The following CNOT11 variants were observed in gnomAD, a reference collection of about 807,000 sequenced individuals.
CNOT11 encodes the protein CCR4-NOT transcription complex subunit 11.
Under a neutral mutation model 44.6 loss-of-function variants are expected in CNOT11, and 18 were observed. The observed-to-expected ratio is 0.40, with a 90% confidence interval of 0.28 to 0.60. The LOEUF is 0.60. CNOT11 is among the 20% of genes least tolerant of loss of function. The probability of loss-of-function intolerance (pLI) is 0.38; values close to 1 mark genes in which losing one functional copy is unlikely to be tolerated. For missense variants in CNOT11, 513 were observed against 677.0 expected (o/e 0.76, Z 2.69); for synonymous variants, 291 against 270.9 (o/e 1.07, Z -0.73).
chr2:101,264,588 G>T (rs997094912), intron 3 of CNOT11, among the ~76,000 whole-genome samples: 2 of 152,180 alleles, frequency 1.3e-5, no homozygotes, highest in African/African-American at 4.8e-5. Context: ...TCACGGCCAG[G>T]CTTTCCTCAC....
At chr2:101,257,299 A>C (rs1353392127) in intron 1 of CNOT11, among the ~76,000 whole-genome samples, 1 of 151,590 alleles carries the variant, frequency 6.6e-6, no homozygotes, top group African/African-American at 2.4e-5. Flanking sequence ...AGGCTGAGGC[A>C]GGAGAATCTC....
chr2:101,266,285 T>A (rs1317156458), intron 4 of CNOT11, among the ~76,000 whole-genome samples: 1 of 152,032 alleles, frequency 6.6e-6, no homozygotes, highest in African/African-American at 2.4e-5. Flanking sequence ...GACTGTTTCT[T>A]GGGAGAACTA....
chr2:101,252,901 G>A lies in CNOT11; in HGVS notation c.-64G>A, dbSNP rs1681650907. The A allele has an allele frequency of 2.9e-6, 4 of 1,359,326 alleles. No homozygotes were observed. The highest frequency in any genetic ancestry group is 3.8e-6 in the Non-Finnish European group (4 of 1,059,784). The allele number at this position is 1,359,326 out of a possible 1,614,324, so 84.2% of individuals were successfully genotyped here. ...GTGTAACAGCGCGCTTTACGGCCGC[G>A]GGGACGGAGCGAGCCGGCGCCAGGG... On this transcript the variant is annotated 5_prime_UTR_variant, in exon 1 of 7. Coordinates refer to ENST00000289382, the MANE Select transcript of CNOT11 (RefSeq NM_017546.5).
intron 5 of CNOT11, 99 bp downstream of exon 5, chr2:101,266,978 T>A: frequency 2.5e-6 from 2 of 796,724 alleles, no homozygotes; most frequent in Non-Finnish European, 2.1e-6. Flanking sequence ...ATTATTGGCG[T>A]AAGATTAACT....
At chr2:101,260,455 G>A (rs1187071375) in intron 2 of CNOT11, among the ~76,000 whole-genome samples, 1 of 152,140 alleles carries the variant, frequency 6.6e-6, no homozygotes, top group Non-Finnish European at 1.5e-5. Flanking sequence ...GCCTGGCCGA[G>A]TGGCTAAGCT....
intron 1 of CNOT11, among the ~76,000 whole-genome samples, chr2:101,255,383 T>G: frequency 6.6e-6 from 1 of 151,992 alleles, no homozygotes. Flanking sequence ...TAGTCCCAGC[T>G]ACTTGGGAGG....
At position 101,264,991 on chromosome 2, in the gene CNOT11, A is replaced by G; in HGVS notation, c.979A>G (p.Lys327Glu). The G allele has an allele frequency of 6.2e-7, 1 of 1,614,198 alleles. No individual in the cohort carries two copies. The highest frequency in any genetic ancestry group is 8.5e-7 in the Non-Finnish European group (1 of 1,180,014). The change falls in exon 4 of 7, where the codon AAA becomes GAA. Residue 327 changes from lysine to glutamate, a missense_variant. Transcript: ENST00000289382. ...CVKNSTGVEI[K>E]RIMAKAFKSP... Reference sequence around the variant, plus strand: ...TAAGAATAGCACTGGTGTGGAGATCAAACGAATAATGGCCAAAGCCTTCAA... The same window carrying G: ...TAAGAATAGCACTGGTGTGGAGATCGAACGAATAATGGCCAAAGCCTTCAA...
Position 101,269,753 on chromosome 2 carries a change from G to T in CNOT11, c.*340G>T. On this transcript the variant is annotated 3_prime_UTR_variant, in exon 7 of 7. Transcript: ENST00000289382. The surrounding 1 kb of genome is among the most constrained non-coding windows in gnomAD (Gnocchi z 4.8). ...TTAATACAGGCTTCTGATGAACCAG[G>T]AATCCTGTTTTCGTAAAGTTCCAAT... is the stretch of plus-strand genomic sequence containing the variant. 1 of 186,252 alleles carries T rather than the reference G, an allele frequency of 5.4e-6. No homozygotes were observed. Among genetic ancestry groups the T allele is most frequent in the East Asian group, 1.4e-4 (1 of 7,042 alleles). The allele number at this position is 186,252 out of a possible 1,614,324, so 11.5% of individuals were successfully genotyped here. A position where few individuals can be genotyped will look rare whatever the true frequency, so the allele number is the denominator to read the frequency against.
chr2:101,255,275 C>T (rs1681712805), intron 1 of CNOT11, among the ~76,000 whole-genome samples: 1 of 151,308 alleles, frequency 6.6e-6, no homozygotes, highest in Non-Finnish European at 1.5e-5. Context: ...GCGGGCGGAT[C>T]ACAAGGTCAG....
rs1682073028 is a variant in CNOT11 at position 101,269,935 on chromosome 2, A to T, written c.*522A>T. 1 of 152,390 alleles carries T rather than the reference A, an allele frequency of 6.6e-6. No individual in the cohort carries two copies. The highest frequency in any genetic ancestry group is 1.5e-5 in the Non-Finnish European group (1 of 68,160). 9.4% of individuals were successfully genotyped at this position (152,390 alleles called of 1,614,324 possible). On this transcript the variant is annotated 3_prime_UTR_variant, in exon 7 of 7. Coordinates refer to ENST00000289382, the MANE Select transcript of CNOT11 (RefSeq NM_017546.5). This position sits in a 1 kb window ranked among gnomAD's most constrained non-coding sequence, Gnocchi z 4.8. ...TGAGGCACACAGCTCTTAACTCCTG[A>T]TGAACCAAGGATTTACTCATAACTT...
In CNOT11 at chr2:101,270,297, G is replaced by C. The variant is rs1682083645; in HGVS notation, c.*884G>C. 1 of 152,404 alleles carries C rather than the reference G, an allele frequency of 6.6e-6. No individual in the cohort carries two copies. Among genetic ancestry groups the C allele is most frequent in the Non-Finnish European group, 1.5e-5 (1 of 67,988 alleles). 9.4% of individuals were successfully genotyped at this position (152,404 alleles called of 1,614,324 possible). A position where few individuals can be genotyped will look rare whatever the true frequency, so the allele number is the denominator to read the frequency against. On this transcript the variant is annotated 3_prime_UTR_variant, in exon 7 of 7. Coordinates refer to ENST00000289382, the MANE Select transcript of CNOT11 (RefSeq NM_017546.5). The stretch of plus-strand genomic sequence containing the variant: ...TTGGACAACAGTGCCTTCCATTAAA[G>C]TTCTTTTTATCAACTGTTATCTGAT...
chr2:101,262,636 A>G lies in CNOT11; in HGVS notation c.777A>G (p.Ser259=), dbSNP rs985701323. 6.2e-7 allele frequency: 1 copy of G among 1,614,092 alleles called. No individual in the cohort carries two copies. Among genetic ancestry groups the G allele is most frequent in the Non-Finnish European group, 8.5e-7 (1 of 1,180,022 alleles). The change falls in exon 3 of 7, where the codon TCA becomes TCG. Residue 259 remains serine (S), a synonymous_variant. Transcript: ENST00000289382. The part of the protein sequence containing the change: ...PDSSNSGFDS[S]VASQITEALV... The stretch of plus-strand genomic sequence containing the variant: ...CTTCTAATTCTGGATTTGACAGCTC[A>G]GTTGCCTCTCAGATCACAGAAGCTT...
At chr2:101,268,680 G>A (rs1190513856) in intron 5 of CNOT11, among the ~76,000 whole-genome samples, 1 of 152,074 alleles carries the variant, frequency 6.6e-6, no homozygotes, top group African/African-American at 2.4e-5. Flanking sequence ...CACCCCACTC[G>A]TTTTTCTCAT....
At chr2:101,263,850 T>A (rs1368206876) in intron 3 of CNOT11, among the ~76,000 whole-genome samples, 1 of 152,228 alleles carries the variant, frequency 6.6e-6, no homozygotes, top group African/African-American at 2.4e-5. Flanking sequence ...AGATCACTCA[T>A]AATAAGTGGG....
In CNOT11 at chr2:101,264,867, T is replaced by A. The variant is rs1454021867; in HGVS notation, c.855T>A (p.Ile285=). 6.2e-7 allele frequency: 1 copy of A among 1,614,032 alleles called. No homozygotes were observed. The highest frequency in any genetic ancestry group is 2.2e-5 in the East Asian group (1 of 44,886). The change falls in exon 4 of 7, where the codon ATT becomes ATA. Residue 285 remains isoleucine (I), a synonymous_variant. Transcript: ENST00000289382. ...CAGGCCATTTTCGACCAGAGTTTATTCGTCCACCGCCTCCACTCCACATTT... is the reference window on the plus strand; with the variant it reads ...CAGGCCATTTTCGACCAGAGTTTATACGTCCACCGCCTCCACTCCACATTT... ...PIESHFRPEF[I]RPPPPLHICE...
At chr2:101,256,078 G>A (rs1681730082) in intron 1 of CNOT11, among the ~76,000 whole-genome samples, 1 of 151,796 alleles carries the variant, frequency 6.6e-6, no homozygotes, top group African/African-American at 2.4e-5. Context: ...GGCGGAGGCT[G>A]TAGTGAGCTG....
intron 5 of CNOT11, among the ~76,000 whole-genome samples, chr2:101,268,025 A>G (rs1314674481): frequency 1.3e-4 from 20 of 152,120 alleles, no homozygotes. Context: ...CTATTGGGGG[A>G]AAAAAAGCCC....
At chr2:101,259,905 G>A (rs960006411) in intron 2 of CNOT11, among the ~76,000 whole-genome samples, 1 of 151,892 alleles carries the variant, frequency 6.6e-6, no homozygotes, top group Non-Finnish European at 1.5e-5. Context: ...AAATTACCTG[G>A]GTATGGTGGT....
At position 101,253,127 on chromosome 2, in the gene CNOT11, G is replaced by A; in HGVS notation, c.163G>A (p.Gly55Arg). Residue 55 changes from glycine (G) to arginine (R), a missense_variant, in exon 1 of 7, where the codon GGG (glycine) becomes AGG (arginine). Coordinates refer to ENST00000289382, the MANE Select transcript of CNOT11 (RefSeq NM_017546.5). This position sits in a 1 kb window ranked among gnomAD's most constrained non-coding sequence, Gnocchi z 4.3. ...SGPGSGSGGPGGPAGRMSLTP... is the reference protein window; with the variant it reads ...SGPGSGSGGPRGPAGRMSLTP... ...CCCCGGGTCCGGGAGCGGAGGCCCG[G>A]GGGGCCCCGCGGGCAGGATGAGCTT... 6.5e-7 allele frequency: 1 copy of A among 1,543,476 alleles called. No homozygotes were observed. Among genetic ancestry groups the A allele is most frequent in the Non-Finnish European group, 8.7e-7 (1 of 1,151,984 alleles).
Sources: allele counts gnomAD v4.1 joint callset (sites outside exome capture counted in the v4.1 genomes callset), GRCh38; gene constraint gnomAD v4.1.1; non-coding constraint Gnocchi (gnomAD v3.1); transcripts MANE v1.5; gene names NCBI Gene and HGNC (gene_info 2026-07-23, HGNC 2026-07-21).